Variants in ZFYVE1 observed in about 807,000 individuals in gnomAD.
The protein encoded by ZFYVE1 is zinc finger FYVE-type containing 1, also known as zinc finger FYVE domain-containing protein 1.
A neutral mutation model predicts 74.4 loss-of-function variants in ZFYVE1; 30 were observed. That is an observed-to-expected ratio of 0.40 (90% CI 0.30 to 0.55). The LOEUF (loss-of-function observed/expected upper bound fraction) is 0.55, where lower values mean the gene tolerates loss of function less well. Ranked by LOEUF, ZFYVE1 falls within the 20% of genes least tolerant of loss-of-function variation. The probability of loss-of-function intolerance (pLI) is 0.42; values close to 1 mark genes in which losing one functional copy is unlikely to be tolerated. For missense variants in ZFYVE1, 703 were observed against 1,011.6 expected (o/e 0.69, Z 4.14); for synonymous variants, 335 against 385.1 (o/e 0.87, Z 1.52).
intron 11 of ZFYVE1, 116 bp from the exon 12 acceptor site, chr14:72,971,230 T>C: frequency 9.6e-7 from 1 of 1,046,802 alleles, no homozygotes; most frequent in Non-Finnish European, 1.4e-6. Context: ...ACAGAATTGC[T>C]GACAGAGCTT....
chr14:73,026,225 TTC>T (rs1490465810), intron 1 of ZFYVE1, among the ~76,000 whole-genome samples: 2 of 151,410 alleles, frequency 1.3e-5, no homozygotes, highest in African/African-American at 4.8e-5. Context: ...CAAATAATTT[TTC>T]TCTTTGTCAC....
chr14:72,989,015 C>T (rs1157052048), intron 4 of ZFYVE1, among the ~76,000 whole-genome samples: 1 of 150,670 alleles, frequency 6.6e-6, no homozygotes, highest in African/African-American at 2.5e-5. Context: ...CTGCAACCTC[C>T]ACCTCCAGGG....
chr14:72,995,091 C>A (rs1648627010), intron 3 of ZFYVE1, among the ~76,000 whole-genome samples: 1 of 152,138 alleles, frequency 6.6e-6, no homozygotes, highest in Non-Finnish European at 1.5e-5. Context: ...TACTTACTTA[C>A]TTAATTACTT....
At chr14:72,986,857 C>A (rs998771560) in intron 4 of ZFYVE1, 12 of 983,942 alleles carry the variant, frequency 1.2e-5, no homozygotes, top group Middle Eastern at 5.2e-4. Flanking sequence ...ACCACCTGAT[C>A]CATATACTTA....
At chr14:72,991,925 G>GA (rs1893622089) in intron 4 of ZFYVE1, among the ~76,000 whole-genome samples, 3 of 116,326 alleles carry the variant, frequency 2.6e-5, no homozygotes, top group Non-Finnish European at 5.2e-5. Flanking sequence ...TTTTTTTTTT[G>GA]AGACAGCATC....
chr14:72,975,572 C>T lies in ZFYVE1; in HGVS notation c.1785G>A (p.Trp595Ter). The T allele has an allele frequency of 6.2e-7, 1 of 1,613,250 alleles. No individual in the cohort carries two copies. Among genetic ancestry groups the T allele is most frequent in the Non-Finnish European group, 8.5e-7 (1 of 1,179,694 alleles). Residue 595 changes from tryptophan (W) to a stop codon, truncating the protein, a stop_gained, in exon 9 of 12, where the codon TGG becomes TGA. Coordinates refer to ENST00000556143, the MANE Select transcript of ZFYVE1 (RefSeq NM_021260.4). LOFTEE classifies it high-confidence loss of function. This position sits in a 1 kb window ranked among gnomAD's most constrained non-coding sequence, Gnocchi z 4.1. ...WLTDQIAPAY[W>*]RPNSQILSCN... is the part of the protein sequence containing the mutation. The stretch of plus-strand genomic sequence containing the variant: ...ATACCAGAATCTGGGAGTTGGGCCT[C>T]CAGTAGGCAGGGGCGATCTGGTCTG...
chr14:73,009,876 G>A (rs1296816973), intron 2 of ZFYVE1, among the ~76,000 whole-genome samples: 2 of 152,146 alleles, frequency 1.3e-5, no homozygotes, highest in South Asian at 2.1e-4. Context: ...GGGAGGCTGA[G>A]ACCGGAGCAC....
chr14:72,978,795 G>A, intron 6 of ZFYVE1, 66 bp downstream of exon 6: 1 of 1,376,052 alleles, frequency 7.3e-7, no homozygotes, highest in Non-Finnish European at 1.0e-6. Context: ...CCCCAAGATA[G>A]TCTTGCCAAA....
In ZFYVE1 at chr14:73,026,980, G is replaced by C. The variant is rs532687488; in HGVS notation, c.-489C>G. On this transcript the variant is annotated 5_prime_UTR_variant, in exon 1 of 12. Coordinates refer to ENST00000556143, the MANE Select transcript of ZFYVE1 (RefSeq NM_021260.4). Reference sequence around the variant, plus strand: ...CGTCGGGGGGCCGCAGGGCGCCAGTGGGGGCAGAGGCTATTCCTCAGGACA... The same window carrying C: ...CGTCGGGGGGCCGCAGGGCGCCAGTCGGGGCAGAGGCTATTCCTCAGGACA... 2.3e-3 allele frequency: 906 copies of C among 398,786 alleles called. 16 individuals are homozygous for C. The Admixed American group carries it at 0.029, about 13-fold the overall frequency. The allele number at this position is 398,786 out of a possible 1,614,324, so 24.7% of individuals were successfully genotyped here.
In ZFYVE1 at chr14:72,981,799, G is replaced by A; in HGVS notation, c.1300C>T (p.Leu434Phe). Reference sequence around the variant, plus strand: ...AGCGGCCTTACTTACCCACAGCTGAGGCACAAGGAGGAGCAGGTGAAATAC... The same window carrying A: ...AGCGGCCTTACTTACCCACAGCTGAAGCACAAGGAGGAGCAGGTGAAATAC... ...DEYFTCSSLCLSCGVGCKKSM... is the reference protein window; with the variant it reads ...DEYFTCSSLCFSCGVGCKKSM... The change falls in exon 5 of 12, where the codon CTC becomes TTC. Residue 434 changes from leucine to phenylalanine, a missense_variant. Physicochemically the swap from Leu to Phe is conservative, Grantham distance 22. Around this residue, in one of 2 missense-constraint regions of ZFYVE1, gnomAD observed 492 missense variants for 790.0 expected, o/e 0.62. Coordinates refer to ENST00000556143, the MANE Select transcript of ZFYVE1 (RefSeq NM_021260.4). The A allele has an allele frequency of 6.2e-7, 1 of 1,614,076 alleles. No homozygotes were observed. The highest frequency in any genetic ancestry group is 8.5e-7 in the Non-Finnish European group (1 of 1,180,016).
At chr14:72,988,175 ATT>A (rs34995252) in intron 4 of ZFYVE1, among the ~76,000 whole-genome samples, 37 of 139,968 alleles carry the variant, frequency 2.6e-4, no homozygotes, top group Admixed American at 3.6e-4. Context: ...GGCTAACAAC[ATT>A]TTTTTTTTTT....
At chr14:73,005,168 AT>A (rs1567358851) in intron 2 of ZFYVE1, among the ~76,000 whole-genome samples, 4 of 151,974 alleles carry the variant, frequency 2.6e-5, no homozygotes, top group African/African-American at 9.7e-5. Context: ...ACACATGAGT[AT>A]TTTTCCCTAA....
Position 72,975,133 on chromosome 14 carries a change from G to T in ZFYVE1, c.1807-174C>A. 1 of 670,558 alleles carries T rather than the reference G, an allele frequency of 1.5e-6. No individual in the cohort carries two copies. The highest frequency in any genetic ancestry group is 2.4e-6 in the Non-Finnish European group (1 of 420,934). The allele number at this position is 670,558 out of a possible 1,614,324, so 41.5% of individuals were successfully genotyped here. ...TCTGAGAATGGAAAGGAAGCCTGGTGGACAGTGAGTTTCCTTTCACTAAGT... is the reference window on the plus strand; with the variant it reads ...TCTGAGAATGGAAAGGAAGCCTGGTTGACAGTGAGTTTCCTTTCACTAAGT... On this transcript the variant is annotated intron_variant, in intron 9 of 11. Coordinates refer to ENST00000556143, the MANE Select transcript of ZFYVE1 (RefSeq NM_021260.4). The surrounding 1 kb of genome is among the most constrained non-coding windows in gnomAD (Gnocchi z 4.1).
At chr14:73,025,213 C>T (rs886888647) in intron 1 of ZFYVE1, among the ~76,000 whole-genome samples, 13 of 151,746 alleles carry the variant, frequency 8.6e-5, no homozygotes, top group Non-Finnish European at 1.8e-4. Context: ...GGATTACACG[C>T]GCTAGCCACA....
intron 4 of ZFYVE1, among the ~76,000 whole-genome samples, chr14:72,988,616 G>A (rs964190721): frequency 6.6e-6 from 1 of 151,536 alleles, no homozygotes; most frequent in African/African-American, 2.4e-5. Context: ...AGGCCAGCCT[G>A]GCCAACATGG....
rs1437470989 is a variant in ZFYVE1, at chr14:73,024,401, C to T, written c.108G>A (p.Glu36=). The T allele has an allele frequency of 4.3e-6, 7 of 1,614,090 alleles. No individual in the cohort carries two copies. The African/African-American group carries it at 9.3e-5, about 22-fold the overall frequency. Residue 36 remains glutamate, a synonymous_variant, in exon 2 of 12, where the codon GAG becomes GAA. Coordinates refer to ENST00000556143, the MANE Select transcript of ZFYVE1 (RefSeq NM_021260.4). ...AGCGGAGACACTGCAGACTGCAGCA[C>T]TCATCACACTCAAAGATAGCTTCAT... ...GTDEAIFECD[E]CCSLQCLRCE...
At chr14:73,000,742 G>C (rs1483695989) in intron 2 of ZFYVE1, among the ~76,000 whole-genome samples, 1 of 152,112 alleles carries the variant, frequency 6.6e-6, no homozygotes, top group Non-Finnish European at 1.5e-5. Flanking sequence ...ATACCCAAGA[G>C]AACTGAAAAC....
chr14:72,978,216 C>T lies in ZFYVE1; in HGVS notation c.1438G>A (p.Glu480Lys), dbSNP rs376403244. 4 of 1,613,918 alleles carry T rather than the reference C, an allele frequency of 2.5e-6. No individual in the cohort carries two copies. Among genetic ancestry groups the T allele is most frequent in the African/African-American group, 2.7e-5 (2 of 74,900 alleles). ...YTCKACYERG[E>K]EVSVVPKTSA... is the part of the protein sequence containing the mutation. ...GTTTTGGGCACTACACTGACTTCCT[C>T]GCCTCTCTCATAGCAGGCCTGAAAC... Residue 480 changes from glutamate (E) to lysine (K), a missense_variant, in exon 7 of 12, where the codon GAG becomes AAG. Physicochemically the swap from Glu to Lys is moderately conservative, Grantham distance 56. Coordinates refer to ENST00000556143, the MANE Select transcript of ZFYVE1 (RefSeq NM_021260.4).
chr14:73,023,533 T>A (rs1894391123), intron 2 of ZFYVE1, among the ~76,000 whole-genome samples: 1 of 149,096 alleles, frequency 6.7e-6, no homozygotes, highest in Non-Finnish European at 1.5e-5. Flanking sequence ...TAAATCAAGA[T>A]AACAGGTTTA....
Sources: allele counts gnomAD v4.1 joint callset (sites outside exome capture counted in the v4.1 genomes callset), GRCh38; gene constraint gnomAD v4.1.1; regional missense constraint gnomAD v4.1.1; non-coding constraint Gnocchi (gnomAD v3.1); transcripts MANE v1.5; gene names NCBI Gene and HGNC (gene_info 2026-07-23, HGNC 2026-07-21).